ST8SIA2: variants seen among roughly 807,000 people sequenced by gnomAD.
The protein encoded by ST8SIA2 is alpha-2,8-sialyltransferase 8B.
In ST8SIA2, 22 loss-of-function variants were observed where a neutral mutation model predicts 37.6. That is an observed-to-expected ratio of 0.58 (90% CI 0.42 to 0.83). ST8SIA2 has a LOEUF of 0.83. Ranked by LOEUF, ST8SIA2 falls within the 40% of genes least tolerant of loss-of-function variation. ST8SIA2 has a pLI of 0.00. For missense variants in ST8SIA2, 382 were observed against 484.7 expected, an observed-to-expected ratio of 0.79 and a Z score of 1.99; for synonymous variants, 205 against 201.2, an observed-to-expected ratio of 1.02 and a Z score of -0.16.
At chr15:92,447,094 G>A (rs62021047) in intron 5 of ST8SIA2, among the ~76,000 whole-genome samples, 5,348 of 152,300 alleles carry the variant, frequency 0.035, 129 homozygotes, top group Middle Eastern at 0.054. Context: ...GCTCTGGCAG[G>A]AAATAATGAT....
In ST8SIA2 at chr15:92,394,128, T is replaced by A. The variant is rs774447583; in HGVS notation, c.64T>A (p.Phe22Ile). Residue 22 changes from phenylalanine to isoleucine, a missense_variant, in exon 1 of 6, where the codon TTC (phenylalanine) becomes ATC (isoleucine). Transcript: ENST00000268164. ...CACGCTGCTCGTGGTCTTCCTCATC[T>A]TCGCAGACATCTCAGAGATCGAAGA... Reference protein sequence around the residue: ...ALTLLVVFLIFADISEIEEEI... With the variant: ...ALTLLVVFLIIADISEIEEEI... 6.4e-7 allele frequency: 1 copy of A among 1,560,418 alleles called. No homozygotes were observed. The highest frequency in any genetic ancestry group is 1.2e-5 in the South Asian group (1 of 84,686).
chr15:92,398,153 G>T (rs919343346), intron 1 of ST8SIA2, among the ~76,000 whole-genome samples: 4 of 152,058 alleles, frequency 2.6e-5, no homozygotes, highest in African/African-American at 9.7e-5. Flanking sequence ...AAAAAGAAAA[G>T]AAAAAGAAAG....
At chr15:92,403,092 C>T (rs1262520835) in intron 1 of ST8SIA2, among the ~76,000 whole-genome samples, 1 of 152,088 alleles carries the variant, frequency 6.6e-6, no homozygotes, top group Non-Finnish European at 1.5e-5. Context: ...GCCCCCTTTC[C>T]TACTGTAACC....
chr15:92,415,464 A>G (rs982234630), intron 1 of ST8SIA2, among the ~76,000 whole-genome samples: 7 of 151,878 alleles, frequency 4.6e-5, no homozygotes, highest in Admixed American at 6.6e-5. Flanking sequence ...TTAAACCCAA[A>G]TGCCTTTAGG....
chr15:92,395,347 G>A (rs1282521505), intron 1 of ST8SIA2, among the ~76,000 whole-genome samples: 1 of 152,150 alleles, frequency 6.6e-6, no homozygotes, highest in South Asian at 2.1e-4. Context: ...TTGAGGGTCC[G>A]CCACACTGTC....
intron 4 of ST8SIA2, among the ~76,000 whole-genome samples, chr15:92,442,261 G>C (rs183816938): frequency 1.3e-5 from 2 of 152,238 alleles, no homozygotes; most frequent in East Asian, 3.9e-4. Flanking sequence ...GTCTCTGCAG[G>C]TAAGGTATGG....
intron 5 of ST8SIA2, among the ~76,000 whole-genome samples, chr15:92,454,603 G>A (rs1228420773): frequency 6.6e-6 from 1 of 151,902 alleles, no homozygotes; most frequent in African/African-American, 2.4e-5. Flanking sequence ...CAGTGAGTAG[G>A]GAGAGGGGAG....
chr15:92,449,118 G>A lies in ST8SIA2; in HGVS notation c.842+4189G>A, dbSNP rs538105158. ...GTGATACAAACGATCCCACCACCCAGGCACTAAACTTAGTACCCAACAGTT... is the reference window on the plus strand; with the variant it reads ...GTGATACAAACGATCCCACCACCCAAGCACTAAACTTAGTACCCAACAGTT... On this transcript the variant is annotated intron_variant, in intron 5 of 5. Transcript: ENST00000268164. Among the ~76,000 whole-genome samples, 3 of 152,180 alleles carry A rather than the reference G, an allele frequency of 2.0e-5. No homozygotes were observed. In the East Asian group the frequency reaches 5.8e-4, roughly 29 times the overall value.
chr15:92,434,482 T>C, intron 3 of ST8SIA2, 107 bp downstream of exon 3: 1 of 1,508,860 alleles, frequency 6.6e-7, no homozygotes, highest in Non-Finnish European at 9.1e-7. Flanking sequence ...ATAAAATGTT[T>C]ACCTCCCACT....
chr15:92,415,777 C>T (rs1288901468), intron 1 of ST8SIA2, among the ~76,000 whole-genome samples: 2 of 152,082 alleles, frequency 1.3e-5, no homozygotes, highest in Non-Finnish European at 1.5e-5. Flanking sequence ...AGATATGACC[C>T]AGGGCTGGCA....
chr15:92,462,738 A>G (rs2049966300), intron 5 of ST8SIA2, among the ~76,000 whole-genome samples: 1 of 152,258 alleles, frequency 6.6e-6, no homozygotes, highest in Non-Finnish European at 1.5e-5. Flanking sequence ...TGTCTGGTCT[A>G]GAGACACAAT....
In ST8SIA2 at chr15:92,442,826, G is replaced by C. The variant is rs141071076; in HGVS notation, c.549-1810G>C. Among the ~76,000 whole-genome samples the C allele has an allele frequency of 5.1e-4, 78 of 152,272 alleles. 1 individual carries two copies. Among genetic ancestry groups the C allele is most frequent in the Non-Finnish European group, 9.3e-4 (63 of 68,012 alleles). On this transcript the variant is annotated intron_variant, in intron 4 of 5. Coordinates refer to ENST00000268164, the MANE Select transcript of ST8SIA2 (RefSeq NM_006011.4). ...GATGGGAAGACGCGATATTTTAGGG[G>C]GTTCAGTCTGAAATCACAAACAGGC... is the stretch of plus-strand genomic sequence containing the variant.
intron 1 of ST8SIA2, among the ~76,000 whole-genome samples, chr15:92,411,785 G>C (rs1018989672): frequency 6.6e-6 from 1 of 152,170 alleles, no homozygotes; most frequent in African/African-American, 2.4e-5. Context: ...TAGGCTGGAG[G>C]TTAGGCTAGA....
chr15:92,429,656 A>C (rs2049700711), intron 1 of ST8SIA2, among the ~76,000 whole-genome samples: 1 of 152,268 alleles, frequency 6.6e-6, no homozygotes, highest in African/African-American at 2.4e-5. Flanking sequence ...GAGTGAAAGC[A>C]AGAGAAGACA....
chr15:92,450,784 G>T (rs780862142), intron 5 of ST8SIA2, among the ~76,000 whole-genome samples: 25 of 152,210 alleles, frequency 1.6e-4, no homozygotes, highest in Admixed American at 3.3e-4. Context: ...TGGGGACACA[G>T]ATCCAAACCA....
intron 1 of ST8SIA2, among the ~76,000 whole-genome samples, chr15:92,424,816 T>C (rs2049663814): frequency 6.6e-6 from 1 of 152,156 alleles, no homozygotes; most frequent in Admixed American, 6.5e-5. Context: ...TCCACCATGT[T>C]GGCCAGGCTG....
chr15:92,429,923 G>T, intron 1 of ST8SIA2, 126 bp from the exon 2 acceptor site: 1 of 1,020,856 alleles, frequency 9.8e-7, no homozygotes. Flanking sequence ...ATTCTGCAGA[G>T]TCCAGAATGA....
chr15:92,394,553 A>C (rs1346483729), intron 1 of ST8SIA2, among the ~76,000 whole-genome samples: 1 of 151,994 alleles, frequency 6.6e-6, no homozygotes, highest in African/African-American at 2.4e-5. Flanking sequence ...CTTTGTCTCC[A>C]GCACGGCCGC....
chr15:92,395,018 A>T (rs2049420081), intron 1 of ST8SIA2, among the ~76,000 whole-genome samples: 1 of 151,962 alleles, frequency 6.6e-6, no homozygotes, highest in African/African-American at 2.4e-5. Context: ...TGGAGTGCGC[A>T]CTTGAGGCGC....
Sources: allele counts gnomAD v4.1 joint callset (sites outside exome capture counted in the v4.1 genomes callset), GRCh38; gene constraint gnomAD v4.1.1; transcripts MANE v1.5; gene names NCBI Gene and HGNC (gene_info 2026-07-23, HGNC 2026-07-21).